Variants in LMLN observed in about 807,000 individuals in gnomAD.
The protein encoded by LMLN is leishmanolysin like peptidase.
LMLN carries 70 observed loss-of-function variants against 92.3 expected under a neutral mutation model. The observed-to-expected ratio is 0.76, with a 90% CI of 0.63 to 0.92. The LOEUF is 0.92. LMLN is among the 40% of genes least tolerant of loss of function. LMLN has a pLI of 0.00. For synonymous variants in LMLN, 308 were observed against 296.2 expected (o/e 1.04, Z -0.41); for missense variants, 691 against 814.6 (o/e 0.85, Z 1.85).
intron 8 of LMLN, among the ~76,000 whole-genome samples, chr3:197,988,644 G>A (rs2109879664): frequency 6.6e-6 from 1 of 151,434 alleles, no homozygotes; most frequent in East Asian, 1.9e-4. Flanking sequence ...ACAGGAGTGT[G>A]CCACCATGCT....
At position 198,024,702 on chromosome 3, in the gene LMLN, G is replaced by A. The variant is rs370420545; in HGVS notation, c.1570G>A (p.Val524Ile). The stretch of plus-strand genomic sequence containing the variant: ...CGCTGAAAAGTATGGACCTCATTCC[G>A]TTTGTCTAATTCAGAAATCAGCATT... The change falls in exon 14 of 16, where the codon GTT becomes ATT. Residue 524 changes from valine to isoleucine, a missense_variant. Coordinates refer to ENST00000330198, the Ensembl canonical transcript of LMLN. The A allele has an allele frequency of 9.9e-6, 16 of 1,611,476 alleles. No individual in the cohort carries two copies. The highest frequency in any genetic ancestry group is 5.3e-5 in the African/African-American group (4 of 74,780).
chr3:198,035,217 A>AG (rs1234355750), intron 14 of LMLN, among the ~76,000 whole-genome samples: 1 of 149,914 alleles, frequency 6.7e-6, no homozygotes, highest in Non-Finnish European at 1.5e-5. Context: ...AAAAAAAAAA[A>AG]GCTGTATGTG....
rs185623250 is a variant in LMLN, at chr3:197,997,683, C to T, written c.1155+1401C>T. Reference sequence around the variant, plus strand: ...TTTAGGCCTCATCACAAAATAGTCACATGCAGGGAAAAATCAATGAACCAA... The same window carrying T: ...TTTAGGCCTCATCACAAAATAGTCATATGCAGGGAAAAATCAATGAACCAA... On this transcript the variant is annotated intron_variant, in intron 10 of 15. Coordinates refer to ENST00000330198, the Ensembl canonical transcript of LMLN. 2.1e-3 allele frequency among the ~76,000 whole-genome samples: 321 copies of T among 152,302 alleles called. 3 individuals are homozygous for T. The highest frequency in any genetic ancestry group is 7.5e-3 in the African/African-American group (313 of 41,580).
intron 1 of LMLN, among the ~76,000 whole-genome samples, chr3:197,969,847 T>A (rs920798755): frequency 3.3e-5 from 5 of 152,190 alleles, no homozygotes; most frequent in African/African-American, 1.2e-4. Context: ...TTTATATATT[T>A]TAAACCTCAC....
At chr3:198,016,866 G>A (rs1195278400) in intron 11 of LMLN, among the ~76,000 whole-genome samples, 3 of 152,028 alleles carry the variant, frequency 2.0e-5, no homozygotes, top group African/African-American at 7.2e-5. Flanking sequence ...AGGTTTTGAG[G>A]GTTATTACAG....
At chr3:198,034,348 G>A (rs1223490005) in intron 14 of LMLN, among the ~76,000 whole-genome samples, 1 of 152,128 alleles carries the variant, frequency 6.6e-6, no homozygotes, top group African/African-American at 2.4e-5. Context: ...GGTGGCTCAC[G>A]CCTGTAATCC....
intron 11 of LMLN, among the ~76,000 whole-genome samples, chr3:198,010,692 C>T (rs530408232): frequency 2.0e-5 from 3 of 152,236 alleles, no homozygotes; most frequent in African/African-American, 7.2e-5. Flanking sequence ...CTCTAGCAAT[C>T]GGCCCACCTC....
Position 198,042,147 on chromosome 3 carries a change from C to T in LMLN, c.*3480C>T, listed in dbSNP as rs1723423710. ...AGTAAGGCTTGAATATGATTTTACT[C>T]ATCATTGATTCTGCATAGTGTACCC... On this transcript the variant is annotated 3_prime_UTR_variant, in exon 16 of 16. Transcript: ENST00000330198. This position sits in a 1 kb window ranked among gnomAD's most constrained non-coding sequence, Gnocchi z 4.2. The T allele has an allele frequency of 6.6e-6, 1 of 152,130 alleles. No individual in the cohort carries two copies. The highest frequency in any genetic ancestry group is 2.4e-5 in the African/African-American group (1 of 41,420). 9.4% of individuals were successfully genotyped at this position (152,130 alleles called of 1,614,324 possible).
chr3:197,981,584 C>T (rs1478879201), intron 6 of LMLN, among the ~76,000 whole-genome samples: 2 of 152,198 alleles, frequency 1.3e-5, no homozygotes, highest in African/African-American at 4.8e-5. Context: ...TCAGAGTTCT[C>T]TTCATTTACA....
chr3:198,013,095 C>T (rs1722499160), intron 11 of LMLN, among the ~76,000 whole-genome samples: 1 of 142,442 alleles, frequency 7.0e-6, no homozygotes, highest in Admixed American at 6.8e-5. Context: ...TTCTCTCCAC[C>T]CTTCAGAGCC....
At chr3:197,992,765 T>TA (rs1277178105) in intron 9 of LMLN, among the ~76,000 whole-genome samples, 1 of 151,516 alleles carries the variant, frequency 6.6e-6, no homozygotes, top group African/African-American at 2.4e-5. Flanking sequence ...GAGGAGGGAT[T>TA]ACTTCCAGAC....
chr3:197,967,563 A>C (rs1721092500), intron 1 of LMLN, among the ~76,000 whole-genome samples: 1 of 152,242 alleles, frequency 6.6e-6, no homozygotes, highest in Non-Finnish European at 1.5e-5. Flanking sequence ...CAAAGATCAC[A>C]AGGCCAAGGG....
chr3:198,017,455 A>C (rs1294463839), intron 11 of LMLN, among the ~76,000 whole-genome samples: 1 of 152,204 alleles, frequency 6.6e-6, no homozygotes, highest in Non-Finnish European at 1.5e-5. Context: ...ACCTACTTAA[A>C]GTAAGGTTCT....
rs1722139778 is a variant in LMLN, at chr3:198,000,442, T to G, written c.1232+1100T>G. ...AACATATAGAGGTTATTCTTTCTTTTTTTGAGACGGAGTGTTGCTCTGTCA... is the reference window on the plus strand; with the variant it reads ...AACATATAGAGGTTATTCTTTCTTTGTTTGAGACGGAGTGTTGCTCTGTCA... On this transcript the variant is annotated intron_variant, in intron 11 of 15. Transcript: ENST00000330198. Among the ~76,000 whole-genome samples the G allele has an allele frequency of 2.6e-5, 4 of 152,284 alleles. No homozygotes were observed. The South Asian group carries it at 8.3e-4, about 32-fold the overall frequency.
intron 9 of LMLN, among the ~76,000 whole-genome samples, chr3:197,995,882 TG>T (rs1419877468): frequency 6.6e-6 from 1 of 152,150 alleles, no homozygotes; most frequent in East Asian, 1.9e-4. Context: ...GTTATTGACA[TG>T]AGTTACAACT....
At chr3:197,965,172 A>G (rs1203234205) in intron 1 of LMLN, among the ~76,000 whole-genome samples, 1 of 151,002 alleles carries the variant, frequency 6.6e-6, no homozygotes, top group Admixed American at 6.6e-5. Flanking sequence ...ATGCCACCAC[A>G]CCTGGCACAT....
intron 14 of LMLN, among the ~76,000 whole-genome samples, chr3:198,032,817 A>G (rs915248690): frequency 4.6e-5 from 7 of 152,322 alleles, no homozygotes; most frequent in Middle Eastern, 3.4e-3. Context: ...GATTTGGACA[A>G]ATACCCAAAC....
intron 12 of LMLN, among the ~76,000 whole-genome samples, chr3:198,020,766 G>GTTTGTTTTTTTTTTT (rs1260852398): frequency 1.2e-4 from 3 of 25,642 alleles, no homozygotes; most frequent in African/African-American, 5.5e-4. Flanking sequence ...GCTAATTTTT[G>GTTTGTTTTTTTTTTT]TATTTTTTTT....
intron 11 of LMLN, among the ~76,000 whole-genome samples, chr3:198,015,057 C>T (rs573134495): frequency 6.7e-6 from 1 of 149,614 alleles, no homozygotes; most frequent in South Asian, 2.1e-4. Context: ...TTCTCTCCAC[C>T]CTTCAGAGCC....
Sources: allele counts gnomAD v4.1 joint callset (sites outside exome capture counted in the v4.1 genomes callset), GRCh38; gene constraint gnomAD v4.1.1; non-coding constraint Gnocchi (gnomAD v3.1); transcripts MANE v1.5; gene names NCBI Gene and HGNC (gene_info 2026-07-23, HGNC 2026-07-21).